Variants in TMEM236 observed in about 807,000 individuals in gnomAD.
TMEM236 encodes transmembrane protein 236.
In TMEM236, 11 loss-of-function variants were observed where a neutral mutation model predicts 14.7. That is an observed-to-expected ratio of 0.75 (90% CI 0.47 to 1.24). TMEM236 has a LOEUF of 1.24. TMEM236 is among the 50% of genes most tolerant of loss of function. TMEM236 has a pLI of 0.00. For synonymous variants in TMEM236, 182 were observed against 168.6 expected (o/e 1.08, Z -0.62); for missense variants, 464 against 427.3 (o/e 1.09, Z -0.76).
rs1838040926 is a variant in TMEM236 at position 17,797,817 on chromosome 10, C to A, written c.*1313C>A. 6.6e-6 allele frequency: 1 copy of A among 151,996 alleles called. No homozygotes were observed. The highest frequency in any genetic ancestry group is 6.6e-5 in the Admixed American group (1 of 15,252). The allele number at this position is 151,996 out of a possible 1,614,324, so 9.4% of individuals were successfully genotyped here. On this transcript the variant is annotated 3_prime_UTR_variant, in exon 4 of 4. Transcript: ENST00000377495. ...TGTTTAGTATAATGAAGTCAAGGTA[C>A]ATCAGTAATACCAAGATAAAGTTTC... is the stretch of plus-strand genomic sequence containing the variant.
rs1019074889 is a variant in TMEM236 at position 17,800,667 on chromosome 10, G to A, written c.*4163G>A. ...GCCTTGTGCTGTGTACCTTGGAGCA[G>A]GGCCTTACATAGTGAATATATCAAT... is the stretch of plus-strand genomic sequence containing the variant. On this transcript the variant is annotated 3_prime_UTR_variant, in exon 4 of 4. Transcript: ENST00000377495. 6.6e-6 allele frequency: 1 copy of A among 152,192 alleles called. No individual in the cohort carries two copies. The highest frequency in any genetic ancestry group is 2.4e-5 in the African/African-American group (1 of 41,526). 9.4% of individuals were successfully genotyped at this position (152,192 alleles called of 1,614,324 possible).
At chr10:17,794,746 AT>A (rs1333043168) in intron 3 of TMEM236, among the ~76,000 whole-genome samples, 1 of 152,146 alleles carries the variant, frequency 6.6e-6, no homozygotes, top group South Asian at 2.1e-4. Context: ...GGTCAAACAG[AT>A]TCCTTCTAGG....
At chr10:17,789,902 T>C (rs1337211223) in intron 3 of TMEM236, among the ~76,000 whole-genome samples, 1 of 151,938 alleles carries the variant, frequency 6.6e-6, no homozygotes, top group East Asian at 1.9e-4. Flanking sequence ...CGGGCGCCTG[T>C]AGTCCCAGCT....
intron 3 of TMEM236, among the ~76,000 whole-genome samples, chr10:17,792,241 A>G (rs906317668): frequency 1.2e-4 from 18 of 152,120 alleles, no homozygotes; most frequent in Non-Finnish European, 1.3e-4. Flanking sequence ...ACGTGCACCA[A>G]TGTGCCCGGC....
chr10:17,783,731 C>T (rs1220439542), intron 3 of TMEM236, among the ~76,000 whole-genome samples: 2 of 152,206 alleles, frequency 1.3e-5, no homozygotes, highest in African/African-American at 4.8e-5. Context: ...ATACCTGTTT[C>T]TCCTTAACCT....
chr10:17,788,674 C>T (rs1320123909), intron 3 of TMEM236, among the ~76,000 whole-genome samples: 1 of 151,542 alleles, frequency 6.6e-6, no homozygotes, highest in Non-Finnish European at 1.5e-5. Flanking sequence ...ATTCTCTTAA[C>T]ATTTTATATT....
chr10:17,767,459 C>CAA (rs1480575296), intron 1 of TMEM236, among the ~76,000 whole-genome samples: 3 of 151,880 alleles, frequency 2.0e-5, no homozygotes, highest in Non-Finnish European at 2.9e-5. Context: ...GACTCCATCT[C>CAA]AAAAAATATA....
intron 3 of TMEM236, among the ~76,000 whole-genome samples, chr10:17,786,715 A>G (rs1216814426): frequency 6.6e-6 from 1 of 152,214 alleles, no homozygotes; most frequent in East Asian, 1.9e-4. Context: ...GATCACAAAC[A>G]TGATCTTCTT....
In TMEM236 at chr10:17,800,653, T is replaced by C. The variant is rs1486278030; in HGVS notation, c.*4149T>C. On this transcript the variant is annotated 3_prime_UTR_variant, in exon 4 of 4. Transcript: ENST00000377495. ...CCTAATACATAATTGCCTTGTGCTG[T>C]GTACCTTGGAGCAGGGCCTTACATA... 1.3e-5 allele frequency: 2 copies of C among 152,194 alleles called. No homozygotes were observed. The highest frequency in any genetic ancestry group is 4.8e-5 in the African/African-American group (2 of 41,450). The allele number at this position is 152,194 out of a possible 1,614,324, so 9.4% of individuals were successfully genotyped here.
At position 17,752,383 on chromosome 10, in the gene TMEM236, C is replaced by G. The variant is rs1837222114; in HGVS notation, c.88C>G (p.Gln30Glu). ...CATCCCCACACTCGTGATCACAGAA[C>G]AGTTTGCCACCGCCTACCAAGGAAC... is the stretch of plus-strand genomic sequence containing the variant. ...FSIPTLVITEQFATAYQGTRA... is the reference protein window; with the variant it reads ...FSIPTLVITEEFATAYQGTRA... Residue 30 changes from glutamine (Q) to glutamate (E), a missense_variant, in exon 1 of 4, where the codon CAG becomes GAG. Gln to Glu is a conservative substitution (Grantham distance 29, BLOSUM62 2). Transcript: ENST00000377495. The G allele has an allele frequency of 3.7e-6, 6 of 1,613,782 alleles. No homozygotes were observed. In the African/African-American group the frequency reaches 8.0e-5, roughly 22 times the overall value.
rs898635822 is a variant in TMEM236, at chr10:17,798,279, G to T, written c.*1775G>T. The T allele has an allele frequency of 1.5e-5, 4 of 274,642 alleles. No individual in the cohort carries two copies. Among genetic ancestry groups the T allele is most frequent in the Non-Finnish European group, 2.8e-5 (4 of 140,934 alleles). The allele number at this position is 274,642 out of a possible 1,614,324, so 17.0% of individuals were successfully genotyped here. A position where few individuals can be genotyped will look rare whatever the true frequency, so the allele number is the denominator to read the frequency against. ...TATGGCCGGCTGTGGTGGCTCACAC[G>T]TGTAATCCCAGCACTTTGGGAGGTT... On this transcript the variant is annotated 3_prime_UTR_variant, in exon 4 of 4. Transcript: ENST00000377495.
rs1391688259 is a variant in TMEM236, at chr10:17,800,845, A to G, written c.*4341A>G. The G allele has an allele frequency of 6.6e-6, 1 of 152,236 alleles. No homozygotes were observed. The highest frequency in any genetic ancestry group is 1.5e-5 in the Non-Finnish European group (1 of 68,044). 9.4% of individuals were successfully genotyped at this position (152,236 alleles called of 1,614,324 possible). A position where few individuals can be genotyped will look rare whatever the true frequency, so the allele number is the denominator to read the frequency against. ...ACAATGGGGCTGTTTTTACATGTTA[A>G]TTAAAATTCTATGTTTAAACAAATC... On this transcript the variant is annotated 3_prime_UTR_variant, in exon 4 of 4. Coordinates refer to ENST00000377495, the MANE Select transcript of TMEM236 (RefSeq NM_001098844.3).
intron 3 of TMEM236, among the ~76,000 whole-genome samples, chr10:17,786,673 G>A (rs1394175873): frequency 1.8e-4 from 28 of 152,132 alleles, no homozygotes; most frequent in Admixed American, 1.8e-3. Context: ...TAGGTGGGGG[G>A]ACTGGAGGGT....
intron 1 of TMEM236, among the ~76,000 whole-genome samples, chr10:17,768,960 G>A (rs916221980): frequency 6.4e-4 from 98 of 152,076 alleles, no homozygotes; most frequent in African/African-American, 2.1e-3. Flanking sequence ...GGTACAGTTC[G>A]GTGGCATTAA....
chr10:17,768,389 A>G (rs923934596), intron 1 of TMEM236, among the ~76,000 whole-genome samples: 4 of 152,182 alleles, frequency 2.6e-5, no homozygotes, highest in East Asian at 1.9e-4. Context: ...CATAAACTGT[A>G]TACAATTTTT....
chr10:17,790,869 C>T (rs1326147088), intron 3 of TMEM236, among the ~76,000 whole-genome samples: 2 of 152,192 alleles, frequency 1.3e-5, no homozygotes, highest in Non-Finnish European at 2.9e-5. Flanking sequence ...AATTGGGTAA[C>T]AATCTCTTTG....
chr10:17,752,479 A>G lies in TMEM236; in HGVS notation c.184A>G (p.Thr62Ala). The change falls in exon 1 of 4, where the codon ACT (threonine) becomes GCT (alanine). Residue 62 changes from threonine (T) to alanine (A), a missense_variant. Coordinates refer to ENST00000377495, the MANE Select transcript of TMEM236 (RefSeq NM_001098844.3). ...TTCTATTGCCTATGTTGCGTTAGTGACTCTACTGATCTGGGTTCCTGTAAA... is the reference window on the plus strand; with the variant it reads ...TTCTATTGCCTATGTTGCGTTAGTGGCTCTACTGATCTGGGTTCCTGTAAA... ...SCSIAYVALV[T>A]LLIWVPVKVI... 6.2e-7 allele frequency: 1 copy of G among 1,613,816 alleles called. No individual in the cohort carries two copies. Among genetic ancestry groups the G allele is most frequent in the South Asian group, 1.1e-5 (1 of 91,060 alleles).
intron 2 of TMEM236, among the ~76,000 whole-genome samples, chr10:17,774,343 C>A (rs1837624260): frequency 6.6e-6 from 1 of 152,168 alleles, no homozygotes; most frequent in Non-Finnish European, 1.5e-5. Flanking sequence ...CTGTGCCCAG[C>A]CTCCTAATTA....
rs1275273399 is a variant in TMEM236, at chr10:17,752,509, A to T, written c.214A>T (p.Ile72Phe). ...ACTGATCTGGGTTCCTGTAAAAGTTATCCTGCACAAGAAACGTTATATTTA... is the reference window on the plus strand; with the variant it reads ...ACTGATCTGGGTTCCTGTAAAAGTTTTCCTGCACAAGAAACGTTATATTTA... ...TLLIWVPVKV[I>F]LHKKRYIYRK... is the part of the protein sequence containing the mutation. Residue 72 changes from isoleucine (I) to phenylalanine (F), a missense_variant, in exon 1 of 4, where the codon ATC becomes TTC. Physicochemically the swap from Ile to Phe is conservative, Grantham distance 21. Coordinates refer to ENST00000377495, the MANE Select transcript of TMEM236 (RefSeq NM_001098844.3). 4.3e-6 allele frequency: 7 copies of T among 1,613,852 alleles called. No homozygotes were observed. Among genetic ancestry groups the T allele is most frequent in the Non-Finnish European group, 5.1e-6 (6 of 1,179,864 alleles).
Sources: gnomAD v4.1 joint callset for allele counts (sites outside exome capture counted in the v4.1 genomes callset) on GRCh38, gnomAD v4.1.1 for gene constraint, MANE v1.5 for transcripts, NCBI Gene and HGNC (gene_info 2026-07-23, HGNC 2026-07-21) for gene names.